Variants in SBK1 observed in about 807,000 individuals in gnomAD.
SBK1 encodes the protein serine/threonine-protein kinase SBK1.
Under a neutral mutation model 24.4 loss-of-function variants are expected in SBK1, and 11 were observed. The observed-to-expected ratio is 0.45, with a 90% CI of 0.28 to 0.75. The LOEUF (loss-of-function observed/expected upper bound fraction) is 0.75, where lower values mean the gene tolerates loss of function less well. SBK1 is among the 30% of genes least tolerant of loss of function. SBK1 has a pLI of 0.12. For missense variants in SBK1, 467 were observed against 620.5 expected, an observed-to-expected ratio of 0.75 and a Z score of 2.63; for synonymous variants, 308 against 284.4, an observed-to-expected ratio of 1.08 and a Z score of -0.83.
chr16:28,310,181 A>G (rs981521919), intron 1 of SBK1, among the ~76,000 whole-genome samples: 10 of 152,134 alleles, frequency 6.6e-5, no homozygotes, highest in Non-Finnish European at 1.5e-5. Flanking sequence ...GCCGGTGAGG[A>G]CACACCCTTG....
chr16:28,280,717 T>TGCAGTGGCATGA (rs1421914428), intron 1 of SBK1, among the ~76,000 whole-genome samples: 1 of 152,112 alleles, frequency 6.6e-6, no homozygotes. Context: ...CAGGCTGGAG[T>TGCAGTGGCATGA]GCAGTGGCAT....
At chr16:28,315,858 A>G (rs973262727) in intron 1 of SBK1, among the ~76,000 whole-genome samples, 1 of 152,066 alleles carries the variant, frequency 6.6e-6, no homozygotes, top group African/African-American at 2.4e-5. Flanking sequence ...CTCCACCTCC[A>G]GGGTTCAAGA....
chr16:28,293,420 C>G (rs1372488702), intron 1 of SBK1, 120 bp downstream of exon 1: 2 of 386,380 alleles, frequency 5.2e-6, no homozygotes, highest in Admixed American at 6.4e-5. Context: ...GCCATGGAGC[C>G]GAGGCTGAAG....
chr16:28,265,750 G>A (rs2044424135), intron 1 of SBK1, among the ~76,000 whole-genome samples: 1 of 151,992 alleles, frequency 6.6e-6, no homozygotes, highest in Admixed American at 6.6e-5. Context: ...GAAGCAGGCG[G>A]ATCACTTGAG....
intron 1 of SBK1, among the ~76,000 whole-genome samples, chr16:28,298,573 A>G (rs1380828849): frequency 1.3e-5 from 2 of 152,158 alleles, no homozygotes; most frequent in Non-Finnish European, 2.9e-5. Context: ...GCCACTTCCT[A>G]AAGTTGTTGT....
chr16:28,271,265 G>C (rs1461884204), intron 1 of SBK1, among the ~76,000 whole-genome samples: 1 of 152,022 alleles, frequency 6.6e-6, no homozygotes, highest in African/African-American at 2.4e-5. Context: ...ACAATAAAGA[G>C]TAAGACCTGG....
At chr16:28,274,637 G>A (rs920183937) in intron 1 of SBK1, among the ~76,000 whole-genome samples, 10 of 152,108 alleles carry the variant, frequency 6.6e-5, no homozygotes, top group African/African-American at 2.4e-4. Context: ...GGGTGAGAGA[G>A]TGAGACTCTG....
Position 28,259,372 on chromosome 16 carries a change from C to T in SBK1, c.127C>T (p.Pro43Ser), listed in dbSNP as rs1310797097. ...TGCTGCGGAGGCCACCCCTGGCCAC[C>T]CCTGCCCTGTCCTGGAGCTGCCTCC... is the stretch of plus-strand genomic sequence containing the variant. The change falls in exon 1 of 4, where the codon CCC becomes TCC. Residue 43 changes from proline to serine, a missense_variant. By Grantham distance (74) the Pro-to-Ser change is moderately conservative. Transcript: ENST00000671413. The surrounding 1 kb of genome is among the most constrained non-coding windows in gnomAD (Gnocchi z 6.0). The T allele has an allele frequency of 1.1e-6, 1 of 881,040 alleles. No homozygotes were observed. Among genetic ancestry groups the T allele is most frequent in the Non-Finnish European group, 1.4e-6 (1 of 734,792 alleles). The allele number at this position is 881,040 out of a possible 1,614,324, so 54.6% of individuals were successfully genotyped here. A position where few individuals can be genotyped will look rare whatever the true frequency, so the allele number is the denominator to read the frequency against.
chr16:28,314,310 C>T (rs2044776441), intron 1 of SBK1, among the ~76,000 whole-genome samples: 1 of 149,018 alleles, frequency 6.7e-6, no homozygotes, highest in Admixed American at 6.8e-5. Context: ...GTGTGCACCA[C>T]CACACCCAGC....
chr16:28,320,547 G>A lies in SBK1; in HGVS notation c.901G>A (p.Glu301Lys), dbSNP rs866346454. The A allele has an allele frequency of 3.2e-6, 5 of 1,555,518 alleles. No individual in the cohort carries two copies. The highest frequency in any genetic ancestry group is 4.3e-6 in the Non-Finnish European group (5 of 1,157,842). Reference sequence around the variant, plus strand: ...CCAGCGCTTACTGGCCCTGGAGCCCGAGCGCCGCGGCCCAGCCAAGGAGGT... The same window carrying A: ...CCAGCGCTTACTGGCCCTGGAGCCCAAGCGCCGCGGCCCAGCCAAGGAGGT... ...MFQRLLALEPERRGPAKEVFR... is the reference protein window; with the variant it reads ...MFQRLLALEPKRRGPAKEVFR... Residue 301 changes from glutamate (E) to lysine (K), a missense_variant, in exon 4 of 4, where the codon GAG becomes AAG. Transcript: ENST00000341901. This position sits in a 1 kb window ranked among gnomAD's most constrained non-coding sequence, Gnocchi z 8.5.
In SBK1 at chr16:28,320,589, C is replaced by T. The variant is rs1481744861; in HGVS notation, c.943C>T (p.His315Tyr). 1 of 1,505,466 alleles carries T rather than the reference C, an allele frequency of 6.6e-7. No individual in the cohort carries two copies. Among genetic ancestry groups the T allele is most frequent in the South Asian group, 1.2e-5 (1 of 82,602 alleles). 93.3% of individuals were successfully genotyped at this position (1,505,466 alleles called of 1,614,324 possible). A position where few individuals can be genotyped will look rare whatever the true frequency, so the allele number is the denominator to read the frequency against. The stretch of plus-strand genomic sequence containing the variant: ...CAAGGAGGTGTTCCGCTTCCTCAAG[C>T]ACGAGCTCACGTCCGAGCTGCGCCG... ...PAKEVFRFLK[H>Y]ELTSELRRRP... The change falls in exon 4 of 4, where the codon CAC becomes TAC. Residue 315 changes from histidine (H) to tyrosine (Y), a missense_variant. Physicochemically the swap from His to Tyr is moderately conservative, Grantham distance 83. Coordinates refer to ENST00000341901, the MANE Select transcript of SBK1 (RefSeq NM_001024401.3). This position sits in a 1 kb window ranked among gnomAD's most constrained non-coding sequence, Gnocchi z 8.5.
intron 1 of SBK1, chr16:28,285,249 A>G (rs189045796): frequency 1.6e-4 from 25 of 152,262 alleles, no homozygotes; most frequent in Admixed American, 1.4e-3. Context: ...CGTGTGTCAG[A>G]TATTTTTAAT....
upstream of SBK1, among the ~76,000 whole-genome samples, chr16:28,287,585 C>A (rs2044574409): frequency 6.6e-6 from 1 of 152,162 alleles, no homozygotes; most frequent in South Asian, 2.1e-4. Flanking sequence ...AGTGGCTTAT[C>A]CCTAGGCGTC....
chr16:28,295,920 CTTT>C (rs923306681), intron 1 of SBK1, among the ~76,000 whole-genome samples: 5 of 108,028 alleles, frequency 4.6e-5, no homozygotes, highest in Admixed American at 1.9e-4. Context: ...CCAGAAAAAT[CTTT>C]TTTTTTTTTT....
chr16:28,306,942 GA>G (rs1243339147), intron 1 of SBK1, among the ~76,000 whole-genome samples: 5 of 152,326 alleles, frequency 3.3e-5, no homozygotes, highest in African/African-American at 7.2e-5. Context: ...GGCCAGAGAG[GA>G]ACAGTGATTT....
chr16:28,281,972 C>T (rs2044535711), intron 1 of SBK1, among the ~76,000 whole-genome samples: 1 of 152,110 alleles, frequency 6.6e-6, no homozygotes, highest in Non-Finnish European at 1.5e-5. Flanking sequence ...CCTGTTCCTC[C>T]TCTGAGGGTG....
chr16:28,311,980 T>A (rs1596552530), intron 1 of SBK1, among the ~76,000 whole-genome samples: 3 of 152,108 alleles, frequency 2.0e-5, no homozygotes, highest in Admixed American at 2.0e-4. Context: ...GCTCCCAGAG[T>A]ACACAGAACA....
Position 28,292,564 on chromosome 16 carries a change from C to G in SBK1, c.-744C>G, listed in dbSNP as rs1292519368. Reference sequence around the variant, plus strand: ...GCGCAGCCCGGGCGGGCGCCGGGGCCGGGGCCCGAGCGCCAGGCGGAGCGC... The same window carrying G: ...GCGCAGCCCGGGCGGGCGCCGGGGCGGGGGCCCGAGCGCCAGGCGGAGCGC... On this transcript the variant is annotated 5_prime_UTR_variant, in exon 1 of 4. Transcript: ENST00000341901. 1 of 976,990 alleles carries G rather than the reference C, an allele frequency of 1.0e-6. No individual in the cohort carries two copies. The highest frequency in any genetic ancestry group is 1.8e-5 in the African/African-American group (1 of 55,758). 60.5% of individuals were successfully genotyped at this position (976,990 alleles called of 1,614,324 possible).
chr16:28,309,282 A>C (rs117790976), intron 1 of SBK1, among the ~76,000 whole-genome samples: 5,727 of 152,296 alleles, frequency 0.038, 184 homozygotes, highest in Middle Eastern at 0.11. Flanking sequence ...TTCTGTGCAC[A>C]TTCCAGTGGG....
Sources: allele counts gnomAD v4.1 joint callset (sites outside exome capture counted in the v4.1 genomes callset), GRCh38; gene constraint gnomAD v4.1.1; non-coding constraint Gnocchi (gnomAD v3.1); transcripts MANE v1.5; gene names NCBI Gene and HGNC (gene_info 2026-07-23, HGNC 2026-07-21).